The following RRN3 variants were observed in gnomAD, a reference collection of about 807,000 sequenced individuals.
The protein encoded by RRN3 is RNA polymerase I-specific transcription initiation factor RRN3.
In RRN3, 38 loss-of-function variants were observed where a neutral mutation model predicts 82.3. The observed-to-expected ratio is 0.46, with a 90% confidence interval of 0.36 to 0.61. The LOEUF (loss-of-function observed/expected upper bound fraction) is 0.61, where lower values mean the gene tolerates loss of function less well. RRN3 is among the 20% of genes least tolerant of loss of function. RRN3 has a pLI of 0.00. For synonymous variants in RRN3, 284 were observed against 284.3 expected, an observed-to-expected ratio of 1.00 and a Z score of 0.01; for missense variants, 726 against 793.1, an observed-to-expected ratio of 0.92 and a Z score of 1.02.
chr16:15,075,975 G>C (rs1175323532), intron 10 of RRN3, among the ~76,000 whole-genome samples: 2 of 152,104 alleles, frequency 1.3e-5, no homozygotes. Context: ...GATTGACAAG[G>C]CATCAGAAAA....
intron 10 of RRN3, among the ~76,000 whole-genome samples, chr16:15,075,786 G>A (rs2045427747): frequency 1.3e-5 from 2 of 152,082 alleles, no homozygotes; most frequent in South Asian, 2.1e-4. Flanking sequence ...GCCCACCATG[G>A]CGGGTGCTTT....
At chr16:15,077,779 T>G (rs1026422265) in intron 9 of RRN3, among the ~76,000 whole-genome samples, 5 of 152,156 alleles carry the variant, frequency 3.3e-5, no homozygotes, top group African/African-American at 1.2e-4. Context: ...AGGTGGAGGT[T>G]GCAGTGAGCC....
intron 15 of RRN3, among the ~76,000 whole-genome samples, chr16:15,067,679 T>C (rs2045035145): frequency 6.6e-6 from 1 of 151,828 alleles, no homozygotes; most frequent in Admixed American, 6.6e-5. Flanking sequence ...GCCCTTTGGA[T>C]AAGAAGTAGT....
chr16:15,087,512 C>G (rs1000652440), intron 3 of RRN3, among the ~76,000 whole-genome samples: 2 of 152,164 alleles, frequency 1.3e-5, no homozygotes, highest in African/African-American at 2.4e-5. Flanking sequence ...CCCTTTTCCC[C>G]ACCTTAATTC....
intron 3 of RRN3, among the ~76,000 whole-genome samples, chr16:15,088,364 G>A (rs185094541): frequency 3.8e-3 from 585 of 152,170 alleles, no homozygotes; most frequent in Admixed American, 6.7e-3. Context: ...ATGCTCGGGA[G>A]CCTGAGGTGG....
At chr16:15,066,143 T>C (rs1172769980) in intron 15 of RRN3, among the ~76,000 whole-genome samples, 1 of 152,180 alleles carries the variant, frequency 6.6e-6, no homozygotes, top group Non-Finnish European at 1.5e-5. Context: ...ATTTCTGTCC[T>C]GTTAGCCAAG....
At chr16:15,083,394 G>C in intron 8 of RRN3, 119 bp downstream of exon 8, 2 of 1,468,798 alleles carry the variant, frequency 1.4e-6, no homozygotes, top group Non-Finnish European at 1.8e-6. Flanking sequence ...GTGAGACTCG[G>C]TCTCAAAAAA....
In RRN3 at chr16:15,061,195, C is replaced by T. The variant is rs1170355002; in HGVS notation, c.*549G>A. 1 of 152,260 alleles carries T rather than the reference C, an allele frequency of 6.6e-6. No homozygotes were observed. Among genetic ancestry groups the T allele is most frequent in the Non-Finnish European group, 1.5e-5 (1 of 68,094 alleles). 9.4% of individuals were successfully genotyped at this position (152,260 alleles called of 1,614,324 possible). On this transcript the variant is annotated 3_prime_UTR_variant, in exon 18 of 18. Transcript: ENST00000198767. ...CCATGTCGGGCCAGCTCTCAGCTTTCCTTCTGTCTTCTCTACACTCCCTTG... is the reference window on the plus strand; with the variant it reads ...CCATGTCGGGCCAGCTCTCAGCTTTTCTTCTGTCTTCTCTACACTCCCTTG...
intron 2 of RRN3, among the ~76,000 whole-genome samples, chr16:15,091,617 A>G (rs1301066415): frequency 4.6e-5 from 7 of 152,260 alleles, no homozygotes; most frequent in South Asian, 2.1e-4. Context: ...ACATTTGAAT[A>G]TAATAGTTGA....
intron 10 of RRN3, among the ~76,000 whole-genome samples, chr16:15,075,920 C>T (rs1351854033): frequency 6.6e-6 from 1 of 152,120 alleles, no homozygotes; most frequent in Non-Finnish European, 1.5e-5. Context: ...GAGCCAGGAC[C>T]ACCCTTGCAC....
At chr16:15,090,835 G>A (rs1424278195) in intron 3 of RRN3, among the ~76,000 whole-genome samples, 1 of 151,336 alleles carries the variant, frequency 6.6e-6, no homozygotes, top group African/African-American at 2.4e-5. Flanking sequence ...CTACATGATA[G>A]GTGTATCTCG....
chr16:15,079,102 G>A (rs923908819), intron 9 of RRN3, among the ~76,000 whole-genome samples: 4 of 151,860 alleles, frequency 2.6e-5, no homozygotes, highest in Admixed American at 6.6e-5. Flanking sequence ...GAGCCACCAC[G>A]CCCGGCCTCC....
Position 15,086,143 on chromosome 16 carries a change from G to C in RRN3, c.458C>G (p.Ser153Cys). 6.2e-7 allele frequency: 1 copy of C among 1,600,216 alleles called. No individual in the cohort carries two copies. Among genetic ancestry groups the C allele is most frequent in the South Asian group, 1.1e-5 (1 of 88,278 alleles). Residue 153 changes from serine (S) to cysteine (C), a missense_variant, in exon 5 of 18, where the codon TCC becomes TGC. By Grantham distance (112) the Ser-to-Cys change is moderately radical. Coordinates refer to ENST00000198767, the MANE Select transcript of RRN3 (RefSeq NM_018427.5). ...FLRPCLSMIA[S>C]HFVPPRVIIK... ...CAATGACTTACGAGGCACAAAATGG[G>C]AAGCAATCATGCTGAGACACGGTCT...
At chr16:15,086,514 C>G (rs2045921788) in intron 3 of RRN3, 60 bp from the exon 4 acceptor site, 1 of 1,604,882 alleles carries the variant, frequency 6.2e-7, no homozygotes, top group South Asian at 1.1e-5. Context: ...CAGAAATTTA[C>G]AGCTATCTTA....
chr16:15,088,550 C>T (rs1002848978), intron 3 of RRN3, among the ~76,000 whole-genome samples: 3 of 151,992 alleles, frequency 2.0e-5, no homozygotes, highest in Admixed American at 6.6e-5. Context: ...ATGAGAACTG[C>T]TGATACAAAA....
chr16:15,080,750 A>G (rs1028117157), intron 8 of RRN3, among the ~76,000 whole-genome samples: 1 of 152,108 alleles, frequency 6.6e-6, no homozygotes, highest in African/African-American at 2.4e-5. Context: ...TAATCACGCT[A>G]AAAAGAAATC....
chr16:15,067,861 G>T (rs925358426), intron 15 of RRN3, among the ~76,000 whole-genome samples: 1 of 152,012 alleles, frequency 6.6e-6, no homozygotes, highest in East Asian at 1.9e-4. Context: ...GGGCTCAAGT[G>T]ATCCTCCTAC....
chr16:15,080,843 T>G (rs1021270102), intron 8 of RRN3, among the ~76,000 whole-genome samples: 1 of 151,036 alleles, frequency 6.6e-6, no homozygotes, highest in Non-Finnish European at 1.5e-5. Flanking sequence ...TGACATTTCA[T>G]ATAAATGGAG....
At chr16:15,081,773 G>A (rs1036144433) in intron 8 of RRN3, among the ~76,000 whole-genome samples, 27 of 152,110 alleles carry the variant, frequency 1.8e-4, no homozygotes, top group Admixed American at 7.9e-4. Flanking sequence ...AAATGTACTC[G>A]TTTTCTTCTC....
Sources: allele counts gnomAD v4.1 joint callset (sites outside exome capture counted in the v4.1 genomes callset), GRCh38; gene constraint gnomAD v4.1.1; transcripts MANE v1.5; gene names NCBI Gene and HGNC (gene_info 2026-07-23, HGNC 2026-07-21).